ASTL: variants seen among roughly 807,000 people sequenced by gnomAD.
ASTL encodes the protein astacin like metalloendopeptidase, also known as astacin-like metalloendopeptidase.
Under a neutral mutation model 36.7 loss-of-function variants are expected in ASTL, and 27 were observed. The ratio of observed to expected loss-of-function variants is 0.73; its 90% CI spans 0.54 to 1.01. ASTL has a LOEUF of 1.01. ASTL is among the 50% of genes least tolerant of loss of function. The pLI, the probability that ASTL is intolerant of heterozygous loss-of-function variation, is 0.00. For synonymous variants in ASTL, 222 were observed against 228.1 expected (o/e 0.97, Z 0.24); for missense variants, 524 against 572.8 (o/e 0.91, Z 0.87).
At chr2:96,129,718 C>A (rs1188247089) in intron 8 of ASTL, 106 bp downstream of exon 8, 26 of 1,161,664 alleles carry the variant, frequency 2.2e-5, no homozygotes, top group Non-Finnish European at 3.1e-5. Flanking sequence ...GTGATCTCAC[C>A]CTGCTCCCCC....
chr2:96,133,738 G>T (rs1035724306), intron 4 of ASTL, 196 bp from the exon 5 acceptor site: 5 of 635,050 alleles, frequency 7.9e-6, no homozygotes, highest in Middle Eastern at 3.9e-4. Flanking sequence ...CCTCTGCACC[G>T]CATGGTCTCA....
rs1416894802 is a variant in ASTL, at chr2:96,133,947, C to T, written c.337+18G>A. ...AGAAGGGGCTGAGGCAGGGAGGGAG[C>T]GCGCCATGCTCACTCACCGTACTTG... On this transcript the variant is annotated intron_variant, in intron 4 of 8. Coordinates refer to ENST00000342380, the MANE Select transcript of ASTL (RefSeq NM_001002036.4). The T allele has an allele frequency of 1.1e-5, 17 of 1,545,122 alleles. No homozygotes were observed. The highest frequency in any genetic ancestry group is 1.7e-4 in the Middle Eastern group (1 of 5,970).
In ASTL at chr2:96,124,307, C is replaced by A; in HGVS notation, c.875-36G>T. 1 of 1,481,702 alleles carries A rather than the reference C, an allele frequency of 6.7e-7. No homozygotes were observed. The highest frequency in any genetic ancestry group is 1.5e-5 in the South Asian group (1 of 68,874). The allele number at this position is 1,481,702 out of a possible 1,614,324, so 91.8% of individuals were successfully genotyped here. Reference sequence around the variant, plus strand: ...AAAGACAGGAGGTGGAACCTCAGAACTGTAGGATGACATGTGGCCCAGCTG... The same window carrying A: ...AAAGACAGGAGGTGGAACCTCAGAAATGTAGGATGACATGTGGCCCAGCTG... On this transcript the variant is annotated intron_variant, in intron 8 of 8. Coordinates refer to ENST00000342380, the MANE Select transcript of ASTL (RefSeq NM_001002036.4). This position sits in a 1 kb window ranked among gnomAD's most constrained non-coding sequence, Gnocchi z 4.1.
chr2:96,130,797 C>T (rs942011499), intron 6 of ASTL, among the ~76,000 whole-genome samples: 1 of 152,236 alleles, frequency 6.6e-6, no homozygotes, highest in African/African-American at 2.4e-5. Context: ...TCATACCCCA[C>T]CACCTGCCTA....
At chr2:96,135,320 C>A (rs375586097) in intron 3 of ASTL, 31 bp downstream of exon 3, 104 of 1,603,426 alleles carry the variant, frequency 6.5e-5, no homozygotes, top group Non-Finnish European at 8.8e-5. Context: ...TGGGCTTATC[C>A]GCACCCACAC....
intron 5 of ASTL, among the ~76,000 whole-genome samples, 161 bp downstream of exon 5, chr2:96,133,264 C>T (rs140550719): frequency 1.9e-3 from 294 of 152,308 alleles, no homozygotes; most frequent in African/African-American, 6.4e-3. Context: ...TCCCACATTC[C>T]GCCCTGGAGG....
intron 1 of ASTL, chr2:96,137,919 G>C: frequency 1.9e-6 from 1 of 533,700 alleles, no homozygotes; most frequent in Non-Finnish European, 3.3e-6. Flanking sequence ...CCCTTAGGGG[G>C]ACCAAAAGGG....
At chr2:96,126,870 AT>A (rs1682075474) in intron 8 of ASTL, among the ~76,000 whole-genome samples, 1 of 152,074 alleles carries the variant, frequency 6.6e-6, no homozygotes, top group Non-Finnish European at 1.5e-5. Flanking sequence ...AAAAAAAAAA[AT>A]CTTAGCAGTT....
chr2:96,123,236 G>A lies in ASTL; in HGVS notation c.*614C>T, dbSNP rs1177534855. ...GCTGAGGTTCCCATTGTGCAATCTGGTGGGGCCCCACTTCTTTCTCGTCTC... is the reference window on the plus strand; with the variant it reads ...GCTGAGGTTCCCATTGTGCAATCTGATGGGGCCCCACTTCTTTCTCGTCTC... On this transcript the variant is annotated 3_prime_UTR_variant, in exon 9 of 9. Transcript: ENST00000342380. Among the ~76,000 whole-genome samples the A allele has an allele frequency of 6.6e-6, 1 of 152,236 alleles. No homozygotes were observed. Among genetic ancestry groups the A allele is most frequent in the Non-Finnish European group, 1.5e-5 (1 of 68,032 alleles).
intron 1 of ASTL, 97 bp from the exon 2 acceptor site, chr2:96,137,797 A>G: frequency 1.6e-6 from 2 of 1,275,208 alleles, no homozygotes; most frequent in Non-Finnish European, 2.2e-6. Context: ...ATCAGACGGT[A>G]AGACTCAGTC....
At position 96,132,553 on chromosome 2, in the gene ASTL, G is replaced by A. The variant is rs772118993; in HGVS notation, c.624C>T (p.Asn208=). ...DRDRYIRVNW[N]EILPGFEINF... ...GGCCTGGCTCACCTGGCAGGATCTCGTTCCAGTTGACACGGATATAGCGGT... is the reference window on the plus strand; with the variant it reads ...GGCCTGGCTCACCTGGCAGGATCTCATTCCAGTTGACACGGATATAGCGGT... Residue 208 remains asparagine, a synonymous_variant, in exon 6 of 9, where the codon AAC becomes AAT. Transcript: ENST00000342380. This position sits in a 1 kb window ranked among gnomAD's most constrained non-coding sequence, Gnocchi z 5.4. The A allele has an allele frequency of 1.6e-5, 25 of 1,598,524 alleles. No homozygotes were observed. The highest frequency in any genetic ancestry group is 9.4e-5 in the African/African-American group (7 of 74,640).
intron 8 of ASTL, among the ~76,000 whole-genome samples, chr2:96,126,973 G>T (rs1157681046): frequency 6.6e-6 from 1 of 152,062 alleles, no homozygotes. Context: ...GTACATAAAT[G>T]ACCATAGTAG....
rs556397219 is a variant in ASTL at position 96,136,219 on chromosome 2, C to T, written c.182-807G>A. On this transcript the variant is annotated intron_variant, in intron 2 of 8. Coordinates refer to ENST00000342380, the MANE Select transcript of ASTL (RefSeq NM_001002036.4). ...GGGCGCTCCAGACCACAAATGACACCGCTGACTTGTACCACCTTTAGGCAG... is the reference window on the plus strand; with the variant it reads ...GGGCGCTCCAGACCACAAATGACACTGCTGACTTGTACCACCTTTAGGCAG... Among the ~76,000 whole-genome samples, 34 of 152,344 alleles carry T rather than the reference C, an allele frequency of 2.2e-4. No individual in the cohort carries two copies. The South Asian group carries it at 2.3e-3, about 10-fold the overall frequency.
In ASTL at chr2:96,123,257, G is replaced by A. The variant is rs567823879; in HGVS notation, c.*593C>T. Reference sequence around the variant, plus strand: ...TCTGGTGGGGCCCCACTTCTTTCTCGTCTCCCCAATGGTGGCCACACTTGA... The same window carrying A: ...TCTGGTGGGGCCCCACTTCTTTCTCATCTCCCCAATGGTGGCCACACTTGA... On this transcript the variant is annotated 3_prime_UTR_variant, in exon 9 of 9. Coordinates refer to ENST00000342380, the MANE Select transcript of ASTL (RefSeq NM_001002036.4). 8.5e-5 allele frequency among the ~76,000 whole-genome samples: 13 copies of A among 152,306 alleles called. No homozygotes were observed. Among genetic ancestry groups the A allele is most frequent in the Admixed American group, 1.3e-4 (2 of 15,308 alleles).
chr2:96,125,776 C>T (rs1327837683), intron 8 of ASTL, among the ~76,000 whole-genome samples: 1 of 152,180 alleles, frequency 6.6e-6, no homozygotes, highest in African/African-American at 2.4e-5. Flanking sequence ...AACCCTGTCT[C>T]TACTAAAAAT....
chr2:96,122,975 G>C lies in ASTL; in HGVS notation c.*875C>G, dbSNP rs140955754. Among the ~76,000 whole-genome samples, 139 of 152,342 alleles carry C rather than the reference G, an allele frequency of 9.1e-4. No homozygotes were observed. The highest frequency in any genetic ancestry group is 3.2e-3 in the African/African-American group (131 of 41,578). Reference sequence around the variant, plus strand: ...CCTAGGCCCACTCATTGGCACCCTGGATGCTTTCTTCATGCCTGGGACAAA... The same window carrying C: ...CCTAGGCCCACTCATTGGCACCCTGCATGCTTTCTTCATGCCTGGGACAAA... On this transcript the variant is annotated 3_prime_UTR_variant, in exon 9 of 9. Coordinates refer to ENST00000342380, the MANE Select transcript of ASTL (RefSeq NM_001002036.4).
Position 96,129,974 on chromosome 2 carries a change from C to T in ASTL, c.724G>A (p.Ala242Thr), listed in dbSNP as rs548158177. Reference sequence around the variant, plus strand: ...GTGGGCAGCCCACGCCGGCTGAAGGCGAGCCTGGAACCCAGCGGGAGACCC... The same window carrying T: ...GTGGGCAGCCCACGCCGGCTGAAGGTGAGCCTGGAACCCAGCGGGAGACCC... ...YSSVMHYGRL[A>T]FSRRGLPTIT... Residue 242 changes from alanine (A) to threonine (T), a missense_variant, in exon 8 of 9, where the codon GCC (alanine) becomes ACC (threonine). Coordinates refer to ENST00000342380, the MANE Select transcript of ASTL (RefSeq NM_001002036.4). 4.1e-5 allele frequency: 65 copies of T among 1,603,482 alleles called. No individual in the cohort carries two copies. In the South Asian group the frequency reaches 5.5e-4, roughly 14 times the overall value.
In ASTL at chr2:96,124,705, T is replaced by G. The variant is rs201932699; in HGVS notation, c.875-434A>C. On this transcript the variant is annotated intron_variant, in intron 8 of 8. Coordinates refer to ENST00000342380, the MANE Select transcript of ASTL (RefSeq NM_001002036.4). This position sits in a 1 kb window ranked among gnomAD's most constrained non-coding sequence, Gnocchi z 4.1. ...CTAAACCCTGCACCGTGCCAGGAGGTAGGTTGGGGCTTCCTTGTTCTTCAC... is the reference window on the plus strand; with the variant it reads ...CTAAACCCTGCACCGTGCCAGGAGGGAGGTTGGGGCTTCCTTGTTCTTCAC... 2.3e-4 allele frequency among the ~76,000 whole-genome samples: 35 copies of G among 152,240 alleles called. No individual in the cohort carries two copies. In the East Asian group the frequency reaches 6.7e-3, roughly 29 times the overall value.
intron 8 of ASTL, among the ~76,000 whole-genome samples, chr2:96,126,680 A>G (rs186602800): frequency 3.3e-5 from 5 of 152,174 alleles, no homozygotes; most frequent in Admixed American, 3.3e-4. Flanking sequence ...ACATGGTGAA[A>G]CCCCATCTCT....
Sources: gnomAD v4.1 joint callset for allele counts (sites outside exome capture counted in the v4.1 genomes callset) on GRCh38, gnomAD v4.1.1 for gene constraint, Gnocchi (gnomAD v3.1) non-coding constraint, MANE v1.5 for transcripts, NCBI Gene and HGNC (gene_info 2026-07-23, HGNC 2026-07-21) for gene names.